The following PRKX variants were observed in gnomAD, a reference collection of about 807,000 sequenced individuals.
PRKX encodes protein kinase cAMP-dependent X-linked catalytic subunit.
PRKX carries 12 observed loss-of-function variants against 22.0 expected under a neutral mutation model. The ratio of observed to expected loss-of-function variants is 0.54; its 90% CI spans 0.35 to 0.88. The LOEUF is 0.88. Ranked by LOEUF, PRKX falls within the 40% of genes least tolerant of loss-of-function variation. PRKX has a pLI of 0.01. For synonymous variants in PRKX, 134 were observed against 137.7 expected (o/e 0.97, Z 0.19); for missense variants, 217 against 308.0 (o/e 0.70, Z 2.21).
rs1324131794 is a variant in PRKX, at chrX:3,674,670, A to C, written c.263T>G (p.Leu88Arg). ...KVMSIPDVIR[L>R]KQEQHVHNEK... ...ATTGTGTACGTGTTGCTCCTGCTTT[A>C]GGCGGATGACGTCGGGAATGCTCAT... The change falls in exon 2 of 9, where the codon CTA (leucine) becomes CGA (arginine). Residue 88 changes from leucine (L) to arginine (R), a missense_variant. Leu to Arg is a moderately radical substitution (Grantham distance 102). Transcript: ENST00000262848. The C allele has an allele frequency of 8.3e-7, 1 of 1,209,660 alleles. No homozygotes were observed. Among genetic ancestry groups the C allele is most frequent in the Non-Finnish European group, 1.1e-6 (1 of 895,101 alleles).
chrX:3,673,641 G>A (rs1423539106), intron 2 of PRKX, among the ~76,000 whole-genome samples: 1 of 110,786 alleles, frequency 9.0e-6, no homozygotes, highest in Non-Finnish European at 1.9e-5. Flanking sequence ...GAGGGAAGAC[G>A]TGGGAATTGG....
intron 4 of PRKX, among the ~76,000 whole-genome samples, chrX:3,638,966 G>A (rs184170334): frequency 5.0e-4 from 51 of 101,089 alleles, no homozygotes; most frequent in African/African-American, 1.8e-3. Flanking sequence ...TAAAAAGATC[G>A]TAGAGATAAA....
chrX:3,636,221 TG>T (rs1926884247), intron 4 of PRKX, among the ~76,000 whole-genome samples: 1 of 111,302 alleles, frequency 9.0e-6, no homozygotes, highest in South Asian at 3.7e-4. Flanking sequence ...CTGCTAAGAG[TG>T]GGAATCCAGC....
intron 3 of PRKX, among the ~76,000 whole-genome samples, chrX:3,654,419 C>T (rs941030637): frequency 3.0e-5 from 3 of 99,132 alleles, no homozygotes; most frequent in Admixed American, 1.2e-4. Flanking sequence ...AATAAGTGCA[C>T]GTGTGTGTGA....
At chrX:3,656,844 A>G (rs1256765314) in intron 2 of PRKX, among the ~76,000 whole-genome samples, 1 of 111,647 alleles carries the variant, frequency 9.0e-6, no homozygotes, top group East Asian at 2.8e-4. Flanking sequence ...AAAATGTATT[A>G]CCCTCAGTTC....
chrX:3,702,445 G>A (rs1295808926), intron 1 of PRKX, among the ~76,000 whole-genome samples: 1 of 111,619 alleles, frequency 9.0e-6, no homozygotes, highest in Admixed American at 9.6e-5. Context: ...CTTTGATGGG[G>A]TACCTCCCCA....
chrX:3,686,747 G>A (rs1162287290), intron 1 of PRKX, among the ~76,000 whole-genome samples: 3 of 110,579 alleles, frequency 2.7e-5, no homozygotes, highest in Admixed American at 1.9e-4. Context: ...TAGTAGACAC[G>A]GGGTTTCACC....
Position 3,636,866 on chromosome X carries a change from T to C in PRKX, c.719+4986A>G, listed in dbSNP as rs1181378764. Among the ~76,000 whole-genome samples the C allele has an allele frequency of 8.3e-5, 9 of 107,967 alleles. 1 individual carries two copies. In the South Asian group the frequency reaches 2.8e-3, roughly 34 times the overall value. The allele number at this position is 107,967 out of a possible 115,157, so 93.8% of individuals were successfully genotyped here. A position where few individuals can be genotyped will look rare whatever the true frequency, so the allele number is the denominator to read the frequency against. ...ACAGAGCGAGACAAGAAAGCAGAGGTTACAGTGAGCCAAGATTGTGCCACT... is the reference window on the plus strand; with the variant it reads ...ACAGAGCGAGACAAGAAAGCAGAGGCTACAGTGAGCCAAGATTGTGCCACT... On this transcript the variant is annotated intron_variant, in intron 4 of 8. Transcript: ENST00000262848.
At chrX:3,675,996 C>T (rs545825779) in intron 1 of PRKX, among the ~76,000 whole-genome samples, 4 of 111,318 alleles carry the variant, frequency 3.6e-5, no homozygotes, top group African/African-American at 6.5e-5. Context: ...CCTCCTGCTT[C>T]GGCCTCCCAA....
At chrX:3,661,705 A>G (rs1461217804) in intron 2 of PRKX, among the ~76,000 whole-genome samples, 2 of 112,210 alleles carry the variant, frequency 1.8e-5, no homozygotes, top group African/African-American at 3.2e-5. Context: ...CTATCTCCAA[A>G]AAACATTCAC....
At chrX:3,630,063 TA>T (rs1246506438) in intron 4 of PRKX, among the ~76,000 whole-genome samples, 4 of 112,271 alleles carry the variant, frequency 3.6e-5, no homozygotes, top group Admixed American at 1.9e-4. Flanking sequence ...TTGACTGTAG[TA>T]AAAAGATTAC....
At chrX:3,675,247 C>T (rs1196979978) in intron 1 of PRKX, among the ~76,000 whole-genome samples, 4 of 111,669 alleles carry the variant, frequency 3.6e-5, no homozygotes, top group Admixed American at 9.6e-5. Flanking sequence ...GTTTCCTTAA[C>T]GCACATTAAG....
At chrX:3,626,048 G>A (rs12399124) in intron 5 of PRKX, among the ~76,000 whole-genome samples, 7,639 of 111,605 alleles carry the variant, frequency 0.068, 241 homozygotes, top group Non-Finnish European at 0.099. Flanking sequence ...AAGCAGGAGA[G>A]AAAGGATAAA....
At chrX:3,665,206 T>C (rs1052024459) in intron 2 of PRKX, among the ~76,000 whole-genome samples, 1 of 111,708 alleles carries the variant, frequency 9.0e-6, no homozygotes, top group Non-Finnish European at 1.9e-5. Context: ...GGGGGCTTTT[T>C]TAACACAAAG....
chrX:3,656,122 C>T (rs1018919937), intron 2 of PRKX, among the ~76,000 whole-genome samples: 18 of 111,442 alleles, frequency 1.6e-4, no homozygotes, highest in Admixed American at 1.3e-3. Context: ...TGTAGGCAGA[C>T]GTTAGAATAT....
rs183325368 is a variant in PRKX at position 3,678,916 on chromosome X, G to A, written c.167-4150C>T. ...AGACATAAAAAAAGAGTGTTTTCAA[G>A]TGTTTCTAGGCAGGTCAGCTCTTTC... On this transcript the variant is annotated intron_variant, in intron 1 of 8. Transcript: ENST00000262848. Among the ~76,000 whole-genome samples, 40 of 111,583 alleles carry A rather than the reference G, an allele frequency of 3.6e-4. No individual in the cohort carries two copies. The East Asian group carries it at 8.8e-3, about 24-fold the overall frequency.
chrX:3,637,133 A>G (rs1344242839), intron 4 of PRKX, among the ~76,000 whole-genome samples: 1 of 105,612 alleles, frequency 9.5e-6, no homozygotes, highest in Non-Finnish European at 2.0e-5. Flanking sequence ...AAGGAAAGGG[A>G]AGGAAAGGAA....
intron 4 of PRKX, among the ~76,000 whole-genome samples, chrX:3,630,428 C>T (rs868718051): frequency 1.1e-4 from 12 of 111,156 alleles, no homozygotes; most frequent in East Asian, 8.5e-4. Flanking sequence ...GGCGTGGTGG[C>T]GGGCGCCTGT....
At chrX:3,625,141 G>A (rs780325771) in intron 5 of PRKX, among the ~76,000 whole-genome samples, 4 of 111,297 alleles carry the variant, frequency 3.6e-5, no homozygotes, top group South Asian at 7.8e-4. Flanking sequence ...GCGGAGCCTC[G>A]TTTTCTTGCT....
Sources: gnomAD v4.1 joint callset for allele counts (sites outside exome capture counted in the v4.1 genomes callset) on GRCh38, gnomAD v4.1.1 for gene constraint, MANE v1.5 for transcripts, NCBI Gene and HGNC (gene_info 2026-07-23, HGNC 2026-07-21) for gene names.